SOAT2: variants seen among roughly 807,000 people sequenced by gnomAD.
The protein encoded by SOAT2 is sterol O-acyltransferase 2.
Under a neutral mutation model 76.0 loss-of-function variants are expected in SOAT2, and 87 were observed. The ratio of observed to expected loss-of-function variants is 1.14; its 90% CI spans 0.96 to 1.37. The LOEUF (loss-of-function observed/expected upper bound fraction) is 1.37. Ranked by LOEUF, SOAT2 falls within the 40% of genes most tolerant of loss-of-function variation. SOAT2 has a pLI of 0.00. For missense variants in SOAT2, 686 were observed against 682.1 expected, an observed-to-expected ratio of 1.01 and a Z score of -0.06; for synonymous variants, 285 against 275.4, an observed-to-expected ratio of 1.03 and a Z score of -0.34.
chr12:53,109,788 C>T (rs986704059), intron 5 of SOAT2, among the ~76,000 whole-genome samples: 8 of 151,980 alleles, frequency 5.3e-5, no homozygotes, highest in Admixed American at 4.6e-4. Flanking sequence ...TGCACCTGGC[C>T]TTAAACCTAA....
At position 53,105,553 on chromosome 12, in the gene SOAT2, C is replaced by T; in HGVS notation, c.276-8C>T. On this transcript the variant is annotated splice_region_variant and splice_polypyrimidine_tract_variant and intron_variant, in intron 3 of 14. Transcript: ENST00000301466. ...TTTTCCTGACCCTGAACAAACATCT[C>T]AATTCAGGACCCAGGAGCCATCCCT... 6.2e-7 allele frequency: 1 copy of T among 1,610,182 alleles called. No homozygotes were observed. Among genetic ancestry groups the T allele is most frequent in the Non-Finnish European group, 8.5e-7 (1 of 1,177,702 alleles).
intron 5 of SOAT2, among the ~76,000 whole-genome samples, chr12:53,107,120 C>T (rs1159924936): frequency 1.3e-5 from 2 of 152,148 alleles, no homozygotes; most frequent in Non-Finnish European, 2.9e-5. Flanking sequence ...GTGAGACCTG[C>T]TTGTCACAGT....
chr12:53,123,749 A>C lies in SOAT2; in HGVS notation c.1394A>C (p.His465Pro). The stretch of plus-strand genomic sequence containing the variant: ...CCAGGAATGTTGAACTTCATGATGC[A>C]TGACCAGCGCACCGGCCCGGCATGG... ...VIGGMLNFMMHDQRTGPAWNV... is the reference protein window; with the variant it reads ...VIGGMLNFMMPDQRTGPAWNV... Residue 465 changes from histidine to proline, a missense_variant, in exon 14 of 15, where the codon CAT becomes CCT. Coordinates refer to ENST00000301466, the MANE Select transcript of SOAT2 (RefSeq NM_003578.4). 6.2e-7 allele frequency: 1 copy of C among 1,613,608 alleles called. No homozygotes were observed.
chr12:53,116,013 C>A, intron 6 of SOAT2, 84 bp from the exon 7 acceptor site: 1 of 1,227,318 alleles, frequency 8.1e-7, no homozygotes, highest in Non-Finnish European at 1.2e-6. Flanking sequence ...GCCTGCCTCT[C>A]AGAGGTAACC....
At chr12:53,118,260 T>A in intron 7 of SOAT2, 90 bp from the exon 8 acceptor site, 8 of 229,434 alleles carry the variant, frequency 3.5e-5, no homozygotes, top group Non-Finnish European at 7.4e-5. Flanking sequence ...ATTTCTCCAC[T>A]CACCAATCCC....
intron 5 of SOAT2, among the ~76,000 whole-genome samples, chr12:53,107,270 G>A (rs1937949930): frequency 6.6e-6 from 1 of 151,938 alleles, no homozygotes; most frequent in Non-Finnish European, 1.5e-5. Context: ...AAAAGCAGCA[G>A]TGGAGTGGAA....
chr12:53,110,301 G>A (rs954676721), intron 5 of SOAT2, among the ~76,000 whole-genome samples: 2 of 152,152 alleles, frequency 1.3e-5, no homozygotes, highest in Non-Finnish European at 2.9e-5. Context: ...TGGCGCCTAG[G>A]ACCTAGACAG....
At chr12:53,112,017 T>A (rs908104169) in intron 5 of SOAT2, among the ~76,000 whole-genome samples, 23 of 152,202 alleles carry the variant, frequency 1.5e-4, no homozygotes, top group Admixed American at 1.4e-3. Flanking sequence ...TTTAACTGGA[T>A]CTTTGTGCTC....
At chr12:53,116,461 T>C (rs979331340) in intron 7 of SOAT2, among the ~76,000 whole-genome samples, 3 of 152,026 alleles carry the variant, frequency 2.0e-5, no homozygotes. Context: ...ACAGGCAGAG[T>C]ATATTTAGCA....
chr12:53,119,393 C>T (rs1464850132), intron 10 of SOAT2, 140 bp downstream of exon 10: 1 of 909,460 alleles, frequency 1.1e-6, no homozygotes, highest in Non-Finnish European at 1.6e-6. Context: ...CTATCAGGGC[C>T]ATTGCCATGG....
Position 53,124,500 on chromosome 12 carries a change from C to T in SOAT2, c.*377C>T, listed in dbSNP as rs1938243922. The T allele has an allele frequency of 4.3e-6, 1 of 230,576 alleles. No homozygotes were observed. Among genetic ancestry groups the T allele is most frequent in the African/African-American group, 2.2e-5 (1 of 44,578 alleles). The allele number at this position is 230,576 out of a possible 1,614,324, so 14.3% of individuals were successfully genotyped here. Reference sequence around the variant, plus strand: ...TTGGTTCTTGACTTTGTATTCCTTCCAATACAGCAATAAACTTTGTCTCCC... The same window carrying T: ...TTGGTTCTTGACTTTGTATTCCTTCTAATACAGCAATAAACTTTGTCTCCC... On this transcript the variant is annotated 3_prime_UTR_variant, in exon 15 of 15. Transcript: ENST00000301466.
intron 3 of SOAT2, 53 bp from the exon 4 acceptor site, chr12:53,105,508 C>A: frequency 6.5e-7 from 1 of 1,541,242 alleles, no homozygotes. Context: ...CTGCATGGCC[C>A]TGCCCTCTGC....
intron 7 of SOAT2, among the ~76,000 whole-genome samples, chr12:53,117,965 CT>C (rs1938131389): frequency 6.6e-6 from 1 of 152,134 alleles, no homozygotes; most frequent in Non-Finnish European, 1.5e-5. Flanking sequence ...TTGCCACAAA[CT>C]TTCAATTTGT....
rs930779340 is a variant in SOAT2, at chr12:53,118,524, T to A, written c.863+90T>A. 3.3e-6 allele frequency: 3 copies of A among 909,410 alleles called. No homozygotes were observed. In the Admixed American group the frequency reaches 5.7e-5, roughly 17 times the overall value. 56.3% of individuals were successfully genotyped at this position (909,410 alleles called of 1,614,324 possible). ...CCTCCCTGAGGTCCTCAGGCTCACC[T>A]CAGGCACTGGCCACTTTCTCAGGAA... On this transcript the variant is annotated intron_variant, in intron 8 of 14. Transcript: ENST00000301466.
At chr12:53,112,319 G>T (rs1938024229) in intron 5 of SOAT2, among the ~76,000 whole-genome samples, 1 of 152,094 alleles carries the variant, frequency 6.6e-6, no homozygotes, top group Non-Finnish European at 1.5e-5. Flanking sequence ...GGCTGAGGCG[G>T]GCAGATCACC....
chr12:53,115,443 C>A lies in SOAT2; in HGVS notation c.497C>A (p.Ala166Glu). The A allele has an allele frequency of 6.2e-7, 1 of 1,612,118 alleles. No homozygotes were observed. The highest frequency in any genetic ancestry group is 8.5e-7 in the Non-Finnish European group (1 of 1,179,410). ...LIFSFGQLPL[A>E]LVTWVPMFLS... ...TTCAGCTTCGGACAGCTGCCATTGGCGCTGGTGACCTGGGTGCCCATGTTT... is the reference window on the plus strand; with the variant it reads ...TTCAGCTTCGGACAGCTGCCATTGGAGCTGGTGACCTGGGTGCCCATGTTT... Residue 166 changes from alanine to glutamate, a missense_variant, in exon 6 of 15, where the codon GCG becomes GAG. By Grantham distance (107) the Ala-to-Glu change is moderately radical. Coordinates refer to ENST00000301466, the MANE Select transcript of SOAT2 (RefSeq NM_003578.4).
rs1024690885 is a variant in SOAT2 at position 53,103,519 on chromosome 12, C to A, written c.-59C>A. On this transcript the variant is annotated 5_prime_UTR_variant, in exon 1 of 15. It adds an upstream start codon to the 5' untranslated region. Transcript: ENST00000301466. ...CAAGAGCTCTACAGGGCAGGCCACA[C>A]TGCGAAGGAAGGAGGCAACACGGGC... 5 of 1,457,154 alleles carry A rather than the reference C, an allele frequency of 3.4e-6. No individual in the cohort carries two copies. In the East Asian group the frequency reaches 1.2e-4, roughly 36 times the overall value. The allele number at this position is 1,457,154 out of a possible 1,614,324, so 90.3% of individuals were successfully genotyped here. A position where few individuals can be genotyped will look rare whatever the true frequency, so the allele number is the denominator to read the frequency against.
chr12:53,105,112 G>A lies in SOAT2; in HGVS notation c.144G>A (p.Val48=), dbSNP rs1937910433. The change falls in exon 3 of 15, where the codon GTG becomes GTA. Residue 48 remains valine (V), a synonymous_variant. Transcript: ENST00000301466. ...LVQWTRHMEA[V]KAQLLEQAQG... ...ACCCTGGCTTTGTCCCGTAGGCTGTGAAGGCACAATTGCTGGAGCAAGCGC... is the reference window on the plus strand; with the variant it reads ...ACCCTGGCTTTGTCCCGTAGGCTGTAAAGGCACAATTGCTGGAGCAAGCGC... 6.4e-7 allele frequency: 1 copy of A among 1,558,540 alleles called. No homozygotes were observed. Among genetic ancestry groups the A allele is most frequent in the Non-Finnish European group, 8.7e-7 (1 of 1,150,874 alleles).
At position 53,104,166 on chromosome 12, in the gene SOAT2, A is replaced by G; in HGVS notation, c.98A>G (p.His33Arg). ...QPCGDGNTET[H>R]RAPDLVQWTR... ...CTCCTCACAGGAAACACTGAGACGC[A>G]CAGAGCCCCGGACTTGGTACAATGG... is the stretch of plus-strand genomic sequence containing the variant. Residue 33 changes from histidine (H) to arginine (R), a missense_variant, in exon 2 of 15, where the codon CAC (histidine) becomes CGC (arginine). His to Arg is a conservative substitution (Grantham distance 29). Coordinates refer to ENST00000301466, the MANE Select transcript of SOAT2 (RefSeq NM_003578.4). 1 of 1,613,432 alleles carries G rather than the reference A, an allele frequency of 6.2e-7. No individual in the cohort carries two copies. Among genetic ancestry groups the G allele is most frequent in the Non-Finnish European group, 8.5e-7 (1 of 1,179,554 alleles).
Sources: gnomAD v4.1 joint callset for allele counts (sites outside exome capture counted in the v4.1 genomes callset) on GRCh38, gnomAD v4.1.1 for gene constraint, MANE v1.5 for transcripts, NCBI Gene and HGNC (gene_info 2026-07-23, HGNC 2026-07-21) for gene names.